LIPA: variants seen among roughly 807,000 people sequenced by gnomAD.
The protein encoded by LIPA is lysosomal acid lipase/cholesteryl ester hydrolase.
Under a neutral mutation model 40.6 loss-of-function variants are expected in LIPA, and 26 were observed. That is an observed-to-expected ratio of 0.64 (90% CI 0.47 to 0.89). The LOEUF is 0.89. Among genes scored for constraint, LIPA ranks in the 40% least tolerant of loss-of-function variants. The pLI is 0.00. For missense variants in LIPA, 455 were observed against 479.6 expected, an observed-to-expected ratio of 0.95 and a Z score of 0.48; for synonymous variants, 188 against 168.4, an observed-to-expected ratio of 1.12 and a Z score of -0.90.
chr10:89,339,353 C>T (rs773668666), intron 1 of LIPA: 3 of 1,613,502 alleles, frequency 1.9e-6, no homozygotes, highest in East Asian at 2.2e-5. Context: ...GTTGAAGAAG[C>T]CTTGGAAAAG....
chr10:89,313,925 A>G (rs1363247781), intron 1 of LIPA, among the ~76,000 whole-genome samples: 1 of 152,192 alleles, frequency 6.6e-6, no homozygotes, highest in Non-Finnish European at 1.5e-5. Flanking sequence ...AGAATGTTCT[A>G]TAATTGATTG....
At chr10:89,226,002 C>A (rs1842765502) in intron 5 of LIPA, among the ~76,000 whole-genome samples, 1 of 152,122 alleles carries the variant, frequency 6.6e-6, no homozygotes, top group African/African-American at 2.4e-5. Context: ...ACCTCTTTTT[C>A]TTTATAAATT....
intron 8 of LIPA, among the ~76,000 whole-genome samples, chr10:89,219,092 A>G (rs1157178801): frequency 6.6e-6 from 1 of 152,160 alleles, no homozygotes; most frequent in Non-Finnish European, 1.5e-5. Flanking sequence ...AACATATTAC[A>G]TGTTTAACAA....
intron 1 of LIPA, among the ~76,000 whole-genome samples, chr10:89,249,365 A>T: frequency 6.6e-6 from 1 of 152,222 alleles, no homozygotes; most frequent in South Asian, 2.1e-4. Flanking sequence ...AAAACCTAGG[A>T]CTAGATCCCA....
At chr10:89,385,108 C>T (rs1844201014) in intron 2 of LIPA, 1 of 170,106 alleles carries the variant, frequency 5.9e-6, no homozygotes, top group Admixed American at 5.8e-5. Flanking sequence ...ATCTTAACTT[C>T]CCCATTTTGG....
intron 1 of LIPA, among the ~76,000 whole-genome samples, chr10:89,297,377 C>A (rs1843421565): frequency 6.6e-6 from 1 of 152,044 alleles, no homozygotes; most frequent in African/African-American, 2.4e-5. Context: ...CTAAGCGGCA[C>A]CATTGTGAGA....
chr10:89,378,891 T>C (rs1844141419), intron 2 of LIPA, among the ~76,000 whole-genome samples: 1 of 152,196 alleles, frequency 6.6e-6, no homozygotes. Context: ...TAGCACTTTC[T>C]AATAGAGGGA....
intron 1 of LIPA, among the ~76,000 whole-genome samples, chr10:89,273,285 G>A (rs1454168278): frequency 6.6e-6 from 1 of 152,172 alleles, no homozygotes; most frequent in African/African-American, 2.4e-5. Context: ...GAGAGGATGA[G>A]CTGAGTGTCC....
intron 1 of LIPA, chr10:89,340,426 C>T (rs1843848231): frequency 5.2e-6 from 1 of 193,806 alleles, no homozygotes; most frequent in African/African-American, 2.3e-5. Flanking sequence ...GGCGTGGTGG[C>T]TGGCACCTGT....
intron 2 of LIPA, among the ~76,000 whole-genome samples, chr10:89,381,850 A>G (rs928461096): frequency 1.3e-5 from 2 of 151,794 alleles, no homozygotes; most frequent in African/African-American, 4.8e-5. Flanking sequence ...CAGTGGCATG[A>G]TCTCGGTTCA....
chr10:89,394,509 C>T (rs73369777), intron 2 of LIPA, among the ~76,000 whole-genome samples: 4,832 of 149,436 alleles, frequency 0.032, 272 homozygotes, highest in African/African-American at 0.11. Flanking sequence ...GTGATTATTT[C>T]AGATGGCAAA....
chr10:89,339,515 C>A, intron 1 of LIPA: 1 of 1,613,992 alleles, frequency 6.2e-7, no homozygotes, highest in Non-Finnish European at 8.5e-7. Context: ...TGCTACAAGG[C>A]AAAAGTAAGA....
At chr10:89,246,821 T>C (rs544910851) in intron 2 of LIPA, among the ~76,000 whole-genome samples, 1 of 152,294 alleles carries the variant, frequency 6.6e-6, no homozygotes, top group East Asian at 1.9e-4. Context: ...GACTTCTGTA[T>C]AGAAATATGT....
intron 1 of LIPA, among the ~76,000 whole-genome samples, chr10:89,296,478 C>T (rs556355282): frequency 2.5e-4 from 30 of 118,862 alleles, no homozygotes; most frequent in Admixed American, 2.1e-3. Context: ...GGCAACAGAG[C>T]GAGACTGTCT....
chr10:89,254,324 C>T (rs1440960484), upstream of LIPA, among the ~76,000 whole-genome samples: 1 of 152,214 alleles, frequency 6.6e-6, no homozygotes, highest in Non-Finnish European at 1.5e-5. Flanking sequence ...TCTGTGCACC[C>T]ACAGGCTCAA....
At position 89,250,668 on chromosome 10, in the gene LIPA, C is replaced by T. The variant is rs148829350; in HGVS notation, c.-2+1069G>A. On this transcript the variant is annotated intron_variant, in intron 1 of 9. Transcript: ENST00000336233. Reference sequence around the variant, plus strand: ...CTGCTTTCATTCAGCGGTTTTCCTACAGAACCTGTATCAACCGCCCAGAGG... The same window carrying T: ...CTGCTTTCATTCAGCGGTTTTCCTATAGAACCTGTATCAACCGCCCAGAGG... Among the ~76,000 whole-genome samples the T allele has an allele frequency of 4.7e-3, 710 of 152,320 alleles. 4 individuals are homozygous for T. Among genetic ancestry groups the T allele is most frequent in the Middle Eastern group, 0.014 (4 of 294 alleles).
intron 1 of LIPA, chr10:89,332,347 T>C (rs1843662805): frequency 3.2e-6 from 2 of 618,856 alleles, no homozygotes; most frequent in Non-Finnish European, 5.1e-6. Flanking sequence ...CTTTTTACAG[T>C]GCCTTTTTAC....
intron 1 of LIPA, among the ~76,000 whole-genome samples, chr10:89,295,555 G>T (rs1322407481): frequency 6.6e-6 from 1 of 152,284 alleles, no homozygotes; most frequent in Non-Finnish European, 1.5e-5. Flanking sequence ...CTAGAATGGG[G>T]CCTAAGAATT....
intron 1 of LIPA, chr10:89,306,851 A>T: frequency 6.2e-7 from 1 of 1,614,122 alleles, no homozygotes; most frequent in Non-Finnish European, 8.5e-7. Context: ...CTTCCAAGTA[A>T]TGAATCTAAG....
Sources: gnomAD v4.1 joint callset for allele counts (sites outside exome capture counted in the v4.1 genomes callset) on GRCh38, gnomAD v4.1.1 for gene constraint, MANE v1.5 for transcripts, NCBI Gene and HGNC (gene_info 2026-07-23, HGNC 2026-07-21) for gene names.